Variants in WDR35 observed in about 807,000 individuals in gnomAD.
The protein encoded by WDR35 is WD repeat-containing protein 35.
In WDR35, 118 loss-of-function variants were observed where a neutral mutation model predicts 158.3. The ratio of observed to expected loss-of-function variants is 0.75; its 90% CI spans 0.64 to 0.87. The LOEUF (loss-of-function observed/expected upper bound fraction) is 0.87, where lower values mean the gene tolerates loss of function less well. WDR35 is among the 40% of genes least tolerant of loss of function. The pLI, the probability that WDR35 is intolerant of heterozygous loss-of-function variation, is 0.00. For missense variants in WDR35, 1,263 were observed against 1,405.8 expected, an observed-to-expected ratio of 0.90 and a Z score of 1.62; for synonymous variants, 448 against 476.1, an observed-to-expected ratio of 0.94 and a Z score of 0.77.
At chr2:19,982,430 C>A in intron 3 of WDR35, 33 bp downstream of exon 3, 1 of 1,604,326 alleles carries the variant, frequency 6.2e-7, no homozygotes, top group South Asian at 1.1e-5. Context: ...AAATACCACT[C>A]AAACATGACT....
Position 19,938,526 on chromosome 2 carries a change from TAAGG to T in WDR35, c.1927-129_1927-126del. ...AAACGGCATCATATTGTGAGCAAAA[TAAGG>T]AAGAGAAATCTTCACGTTTGGGTCT... On this transcript the variant is annotated intron_variant, in intron 17 of 26. Transcript: ENST00000281405. The T allele has an allele frequency of 4.0e-6, 5 of 1,246,358 alleles. No homozygotes were observed. In the South Asian group the frequency reaches 7.4e-5, roughly 18 times the overall value. The allele number at this position is 1,246,358 out of a possible 1,614,324, so 77.2% of individuals were successfully genotyped here. A position where few individuals can be genotyped will look rare whatever the true frequency, so the allele number is the denominator to read the frequency against.
intron 16 of WDR35, among the ~76,000 whole-genome samples, chr2:19,942,714 A>G (rs1485577481): frequency 6.6e-6 from 1 of 152,280 alleles, no homozygotes; most frequent in East Asian, 1.9e-4. Flanking sequence ...TTATTAATGC[A>G]TAAGTAAATA....
chr2:19,931,593 G>A (rs1572324022), intron 23 of WDR35, among the ~76,000 whole-genome samples, 184 bp from the exon 24 acceptor site: 3 of 151,926 alleles, frequency 2.0e-5, no homozygotes, highest in South Asian at 4.1e-4. Flanking sequence ...GTACCTATTC[G>A]TATTTAGTTC....
intron 2 of WDR35, among the ~76,000 whole-genome samples, chr2:19,984,626 G>A (rs1572370580): frequency 6.6e-6 from 1 of 152,250 alleles, no homozygotes. Flanking sequence ...TCCAAAGAAG[G>A]CTTTTAAAAA....
rs147325795 is a variant in WDR35 at position 19,913,604 on chromosome 2, A to C, written c.3467T>G (p.Ile1156Arg). 222 of 1,614,124 alleles carry C rather than the reference A, an allele frequency of 1.4e-4. No homozygotes were observed. In the African/African-American group the frequency reaches 2.2e-3, roughly 16 times the overall value. The change falls in exon 27 of 27, where the codon ATA becomes AGA. Residue 1156 changes from isoleucine to arginine, a missense_variant. Transcript: ENST00000281405. ...TAAGGGGCAGAAGCTGTAGTGGCTT[A>C]TTTCCTGAGCAAGGACACCGTGTTT... ...VCKHGVLAQEISHYSFCPLCH... is the reference protein window; with the variant it reads ...VCKHGVLAQERSHYSFCPLCH...
rs1670671080 is a variant in WDR35, at chr2:19,935,670, A to G, written c.2415-67T>C. ...ATCTCCTGATAAATAAGCACTTTCA[A>G]CCAAAATGTTCCTTCATCATAATTC... On this transcript the variant is annotated intron_variant, in intron 20 of 26. Coordinates refer to ENST00000281405, the MANE Select transcript of WDR35 (RefSeq NM_020779.4). 5.1e-6 allele frequency: 8 copies of G among 1,562,372 alleles called. No homozygotes were observed. The East Asian group carries it at 1.6e-4, about 31-fold the overall frequency.
Position 19,948,233 on chromosome 2 carries a change from C to T in WDR35, c.1471-16G>A. 1 of 1,605,260 alleles carries T rather than the reference C, an allele frequency of 6.2e-7. No homozygotes were observed. Among genetic ancestry groups the T allele is most frequent in the South Asian group, 1.1e-5 (1 of 89,984 alleles). ...CCCTTGTGCCCTAAAATAAATTAAT[C>T]AATCATTACTATTCAACAAACATTT... is the stretch of plus-strand genomic sequence containing the variant. On this transcript the variant is annotated splice_polypyrimidine_tract_variant and intron_variant, in intron 13 of 26. Transcript: ENST00000281405.
Position 19,911,898 on chromosome 2 carries a change from A to C in WDR35, c.*1660T>G, listed in dbSNP as rs1669847425. 6.6e-6 allele frequency: 1 copy of C among 152,226 alleles called. No individual in the cohort carries two copies. Among genetic ancestry groups the C allele is most frequent in the Non-Finnish European group, 1.5e-5 (1 of 68,044 alleles). The allele number at this position is 152,226 out of a possible 1,614,324, so 9.4% of individuals were successfully genotyped here. The stretch of plus-strand genomic sequence containing the variant: ...ACAATAAAATTCATGACTGCTCAGC[A>C]GACTAATAGGCAAGCTATTGCTGTG... On this transcript the variant is annotated 3_prime_UTR_variant, in exon 27 of 27. Transcript: ENST00000281405.
At chr2:19,953,677 T>G (rs1231613246) in intron 12 of WDR35, among the ~76,000 whole-genome samples, 157 bp downstream of exon 12, 1 of 152,184 alleles carries the variant, frequency 6.6e-6, no homozygotes, top group Non-Finnish European at 1.5e-5. Flanking sequence ...TTTTAATAAA[T>G]TTAAACACAT....
Position 19,975,624 on chromosome 2 carries a change from A to G in WDR35, c.476T>C (p.Leu159Pro), listed in dbSNP as rs1466666480. The G allele has an allele frequency of 6.2e-7, 1 of 1,614,112 alleles. No individual in the cohort carries two copies. Among genetic ancestry groups the G allele is most frequent in the East Asian group, 2.2e-5 (1 of 44,852 alleles). ...GTCCGCAGACCATGTTACATGGGAT[A>G]GCTGTATACCCTTCAGGTCTTTTCC... is the stretch of plus-strand genomic sequence containing the variant. Reference protein sequence around the residue: ...IWGKDLKGIQLSHVTWSADSK... With the variant: ...IWGKDLKGIQPSHVTWSADSK... Residue 159 changes from leucine to proline, a missense_variant, in exon 6 of 27, where the codon CTA (leucine) becomes CCA (proline). By Grantham distance (98) the Leu-to-Pro change is moderately conservative (BLOSUM62 -3). Coordinates refer to ENST00000281405, the MANE Select transcript of WDR35 (RefSeq NM_020779.4).
chr2:19,927,707 G>A lies in WDR35; in HGVS notation c.3121+2689C>T, dbSNP rs531806844. Among the ~76,000 whole-genome samples the A allele has an allele frequency of 2.6e-5, 4 of 152,254 alleles. No homozygotes were observed. The South Asian group carries it at 6.2e-4, about 24-fold the overall frequency. On this transcript the variant is annotated intron_variant, in intron 25 of 26. Coordinates refer to ENST00000281405, the MANE Select transcript of WDR35 (RefSeq NM_020779.4). Reference sequence around the variant, plus strand: ...AAGGACACTCTACAAACTTGTTTTTGGATATAGCAAAATTAAAAGAACAAA... The same window carrying A: ...AAGGACACTCTACAAACTTGTTTTTAGATATAGCAAAATTAAAAGAACAAA...
Position 19,910,709 on chromosome 2 carries a change from C to T in WDR35, c.*2849G>A, listed in dbSNP as rs1455279942. ...GGTCAGTTTTGCTTTTCTTTGTCCC[C>T]CTAGTCAAGGGAGAGTTTGTTAGTG... is the stretch of plus-strand genomic sequence containing the variant. On this transcript the variant is annotated 3_prime_UTR_variant, in exon 27 of 27. Transcript: ENST00000281405. 1 of 152,084 alleles carries T rather than the reference C, an allele frequency of 6.6e-6. No homozygotes were observed. Among genetic ancestry groups the T allele is most frequent in the Non-Finnish European group, 1.5e-5 (1 of 68,016 alleles). 9.4% of individuals were successfully genotyped at this position (152,084 alleles called of 1,614,324 possible). A position where few individuals can be genotyped will look rare whatever the true frequency, so the allele number is the denominator to read the frequency against.
chr2:19,932,500 T>C, intron 22 of WDR35, 53 bp from the exon 23 acceptor site: 2 of 1,605,468 alleles, frequency 1.2e-6, no homozygotes, highest in South Asian at 1.1e-5. Flanking sequence ...GTCACATATA[T>C]CATAAAATTC....
intron 11 of WDR35, among the ~76,000 whole-genome samples, chr2:19,956,732 TGCCTCAGCCTCCAGTGTA>T (rs982803380): frequency 5.3e-5 from 8 of 150,996 alleles, no homozygotes; most frequent in Admixed American, 1.3e-4. Flanking sequence ...GCCATTCTCC[TGCCTCAGCCTCCAGTGTA>T]GCTGGGACTA....
Position 19,990,086 on chromosome 2 carries a change from G to A in WDR35, c.-71C>T, listed in dbSNP as rs1488178079. 6.3e-7 allele frequency: 1 copy of A among 1,591,270 alleles called. No individual in the cohort carries two copies. The highest frequency in any genetic ancestry group is 1.3e-5 in the African/African-American group (1 of 74,474). On this transcript the variant is annotated 5_prime_UTR_variant, in exon 1 of 27. Coordinates refer to ENST00000281405, the MANE Select transcript of WDR35 (RefSeq NM_020779.4). ...AAGTAACGGTTCTACGTCTCCAATC[G>A]GGAGTACCAGCAGCTCCGGAAAGCT...
rs1234098715 is a variant in WDR35 at position 19,933,564 on chromosome 2, T to C, written c.2548-53A>G. The C allele has an allele frequency of 1.5e-5, 22 of 1,495,696 alleles. No individual in the cohort carries two copies. The African/African-American group carries it at 1.5e-4, about 10-fold the overall frequency. The allele number at this position is 1,495,696 out of a possible 1,614,324, so 92.7% of individuals were successfully genotyped here. A position where few individuals can be genotyped will look rare whatever the true frequency, so the allele number is the denominator to read the frequency against. The stretch of plus-strand genomic sequence containing the variant: ...TTTCACAGACCAAGGAAATTACTTA[T>C]ATTTTAATTTAACAAAACTCCGTAG... On this transcript the variant is annotated intron_variant, in intron 21 of 26. Coordinates refer to ENST00000281405, the MANE Select transcript of WDR35 (RefSeq NM_020779.4).
intron 21 of WDR35, among the ~76,000 whole-genome samples, chr2:19,933,967 G>C (rs950768700): frequency 6.6e-6 from 1 of 151,868 alleles, no homozygotes; most frequent in Admixed American, 6.6e-5. Context: ...CCATTAATCA[G>C]TTCAGGAAGC....
chr2:19,915,990 G>A lies in WDR35; in HGVS notation c.3122-1713C>T, dbSNP rs149761289. 5.3e-5 allele frequency among the ~76,000 whole-genome samples: 8 copies of A among 151,716 alleles called. No homozygotes were observed. The East Asian group carries it at 1.6e-3, about 29-fold the overall frequency. ...CGAATAGGAACAGCTCTGGTCTGCA[G>A]CTCCCAGCAAGATTGACGCAGAAGG... is the stretch of plus-strand genomic sequence containing the variant. On this transcript the variant is annotated intron_variant, in intron 25 of 26. Coordinates refer to ENST00000281405, the MANE Select transcript of WDR35 (RefSeq NM_020779.4).
chr2:19,935,594 A>G lies in WDR35; in HGVS notation c.2424T>C (p.Ala808=). ...YFADRQKWLN[A]VQYYVQGRNQ... ...TCCGTCCTTGTACATAATATTGTAC[A>G]GCATTCAACCTACAGAAAGAAAAAA... is the stretch of plus-strand genomic sequence containing the variant. The change falls in exon 21 of 27, where the codon GCT becomes GCC. Residue 808 remains alanine (A), a synonymous_variant. Transcript: ENST00000281405. 3 of 1,612,366 alleles carry G rather than the reference A, an allele frequency of 1.9e-6. No individual in the cohort carries two copies. Among genetic ancestry groups the G allele is most frequent in the East Asian group, 4.5e-5 (2 of 44,732 alleles).
Sources: allele counts gnomAD v4.1 joint callset (sites outside exome capture counted in the v4.1 genomes callset), GRCh38; gene constraint gnomAD v4.1.1; transcripts MANE v1.5; gene names NCBI Gene and HGNC (gene_info 2026-07-23, HGNC 2026-07-21).